The following MPHOSPH9 variants were observed in gnomAD, a reference collection of about 807,000 sequenced individuals.
MPHOSPH9 encodes the protein M-phase phosphoprotein 9.
MPHOSPH9 carries 88 observed loss-of-function variants against 145.5 expected under a neutral mutation model. That is an observed-to-expected ratio of 0.60 (90% CI 0.51 to 0.72). The LOEUF (loss-of-function observed/expected upper bound fraction) is 0.72. MPHOSPH9 is among the 30% of genes least tolerant of loss of function. MPHOSPH9 has a pLI of 0.00. For synonymous variants in MPHOSPH9, 435 were observed against 486.2 expected (o/e 0.89, Z 1.39); for missense variants, 1,238 against 1,386.6 (o/e 0.89, Z 1.70).
intron 3 of MPHOSPH9, among the ~76,000 whole-genome samples, chr12:123,226,608 G>C (rs1296937103): frequency 6.6e-6 from 1 of 151,514 alleles, no homozygotes; most frequent in African/African-American, 2.4e-5. Flanking sequence ...TCTGCCTCAA[G>C]TGCTGGGATT....
chr12:123,211,472 C>CA (rs1380431219), intron 7 of MPHOSPH9, among the ~76,000 whole-genome samples: 15 of 151,668 alleles, frequency 9.9e-5, no homozygotes, highest in Admixed American at 5.3e-4. Context: ...CCTGTCTTAG[C>CA]CCCACAAGAA....
At position 123,221,449 on chromosome 12, in the gene MPHOSPH9, G is replaced by A; in HGVS notation, c.795C>T (p.Ser265=). 6.2e-7 allele frequency: 1 copy of A among 1,613,188 alleles called. No homozygotes were observed. The highest frequency in any genetic ancestry group is 1.3e-5 in the African/African-American group (1 of 75,000). ...TATGTTCAAATTCACCAGGAGAAAT[G>A]GATACATCTTCCTTTAAAGACACAT... is the stretch of plus-strand genomic sequence containing the variant. ...ECHVSLKEDV[S]ISPGEFEHNF... Residue 265 remains serine, a synonymous_variant, in exon 5 of 24, where the codon TCC becomes TCT. Transcript: ENST00000606320.
chr12:123,217,726 A>G (rs1593221819), intron 6 of MPHOSPH9, among the ~76,000 whole-genome samples: 1 of 152,180 alleles, frequency 6.6e-6, no homozygotes, highest in Middle Eastern at 3.4e-3. Flanking sequence ...CATTATTTCT[A>G]ATCCTCTGAA....
At chr12:123,182,249 G>GTT (rs72067812) in intron 13 of MPHOSPH9, among the ~76,000 whole-genome samples, 81,727 of 137,204 alleles carry the variant, frequency 0.6, 27,828 homozygotes, top group Non-Finnish European at 0.74. Flanking sequence ...TTTTTTTTGT[G>GTT]TTTTTTTTTT....
chr12:123,220,882 C>T (rs1451955551), intron 5 of MPHOSPH9, among the ~76,000 whole-genome samples: 3 of 152,026 alleles, frequency 2.0e-5, no homozygotes, highest in Admixed American at 6.6e-5. Flanking sequence ...AGTGTAACCC[C>T]GTCTCTACTA....
chr12:123,172,350 T>G (rs2044620128), intron 16 of MPHOSPH9, among the ~76,000 whole-genome samples: 1 of 149,250 alleles, frequency 6.7e-6, no homozygotes. Flanking sequence ...TTTTTTTTTT[T>G]GAGACAGAGT....
intron 10 of MPHOSPH9, 123 bp downstream of exon 10, chr12:123,202,501 C>A: frequency 8.2e-7 from 1 of 1,214,518 alleles, no homozygotes; most frequent in Non-Finnish European, 1.1e-6. Flanking sequence ...TTTTTATATG[C>A]TCCATCTTAA....
At chr12:123,177,084 G>A (rs2138055625) in intron 15 of MPHOSPH9, among the ~76,000 whole-genome samples, 1 of 152,198 alleles carries the variant, frequency 6.6e-6, no homozygotes, top group East Asian at 1.9e-4. Context: ...CAGCTACTCG[G>A]GGGGCTGAGG....
At position 123,165,281 on chromosome 12, in the gene MPHOSPH9, C is replaced by G. The variant is rs776666315; in HGVS notation, c.2767+21G>C. The G allele has an allele frequency of 1.9e-6, 3 of 1,586,486 alleles. No individual in the cohort carries two copies. In the Admixed American group the frequency reaches 5.2e-5, roughly 28 times the overall value. On this transcript the variant is annotated intron_variant, in intron 18 of 23. Transcript: ENST00000606320. ...GGAAAAGATATCTATATCCATCTAT[C>G]TCAAACAAGGAAATACTCACTATTT...
At chr12:123,206,014 G>A (rs576766759) in intron 8 of MPHOSPH9, among the ~76,000 whole-genome samples, 18 of 152,124 alleles carry the variant, frequency 1.2e-4, no homozygotes, top group African/African-American at 2.7e-4. Context: ...AGTCCAAAGC[G>A]GGCTAGTCCT....
intron 6 of MPHOSPH9, 105 bp downstream of exon 6, chr12:123,218,271 T>C: frequency 2.7e-6 from 4 of 1,465,920 alleles, no homozygotes; most frequent in Non-Finnish European, 3.7e-6. Context: ...AATGAACAAA[T>C]TAACAATACA....
intron 16 of MPHOSPH9, among the ~76,000 whole-genome samples, chr12:123,172,054 C>T (rs1042125925): frequency 3.3e-5 from 5 of 152,166 alleles, no homozygotes; most frequent in Non-Finnish European, 5.9e-5. Context: ...ATGCTAAAGT[C>T]AATATAAATA....
intron 6 of MPHOSPH9, among the ~76,000 whole-genome samples, chr12:123,215,921 GTTTCAA>G (rs1201686108): frequency 6.6e-6 from 1 of 152,142 alleles, no homozygotes; most frequent in African/African-American, 2.4e-5. Context: ...AATTCCACCT[GTTTCAA>G]TTTGTCTCAC....
intron 2 of MPHOSPH9, chr12:123,230,060 G>T: frequency 2.7e-6 from 1 of 372,198 alleles, no homozygotes; most frequent in Non-Finnish European, 4.9e-6. Context: ...GGCCTCAGGT[G>T]ATCCACCCGC....
At chr12:123,219,974 C>G (rs1364308354) in intron 5 of MPHOSPH9, among the ~76,000 whole-genome samples, 1 of 152,026 alleles carries the variant, frequency 6.6e-6, no homozygotes, top group Non-Finnish European at 1.5e-5. Flanking sequence ...TGTAAGACTA[C>G]TAAACTCTCA....
At chr12:123,236,017 T>C (rs1048833318), upstream of MPHOSPH9, among the ~76,000 whole-genome samples, 8 of 151,978 alleles carry the variant, frequency 5.3e-5, no homozygotes, top group African/African-American at 1.9e-4. Flanking sequence ...TGAGCCAAGA[T>C]GGTGCCACTG....
Position 123,240,725 on chromosome 12 carries a change from A to C in MPHOSPH9, c.-159+3128T>G, listed in dbSNP as rs1481227665. On this transcript the variant is annotated intron_variant, in intron 1 of 2. Transcript: ENST00000545406. ...AGATTAAATATCCTTTATTTTATTG[A>C]CCTTTTTTTTTTTTTTTTTTTTTTT... 19 of 109,104 alleles carry C rather than the reference A, an allele frequency of 1.7e-4. No homozygotes were observed. In the South Asian group the frequency reaches 4.0e-3, roughly 23 times the overall value. The allele number at this position is 109,104 out of a possible 1,614,324, so 6.8% of individuals were successfully genotyped here.
upstream of MPHOSPH9, among the ~76,000 whole-genome samples, chr12:123,235,234 G>C (rs184887364): frequency 6.6e-6 from 1 of 152,304 alleles, no homozygotes; most frequent in Admixed American, 6.5e-5. Flanking sequence ...TTCTACAGAT[G>C]AGGAATTAGA....
At chr12:123,218,139 G>A (rs937456368) in intron 6 of MPHOSPH9, among the ~76,000 whole-genome samples, 5 of 151,872 alleles carry the variant, frequency 3.3e-5, no homozygotes, top group African/African-American at 1.2e-4. Flanking sequence ...GGATGAGACA[G>A]GAGAATCGCT....
Sources: gnomAD v4.1 joint callset for allele counts (sites outside exome capture counted in the v4.1 genomes callset) on GRCh38, gnomAD v4.1.1 for gene constraint, MANE v1.5 for transcripts, NCBI Gene and HGNC (gene_info 2026-07-23, HGNC 2026-07-21) for gene names.